Variants in KIRREL1 observed in about 807,000 individuals in gnomAD.
KIRREL1 encodes the protein kirre like nephrin family adhesion molecule 1.
Under a neutral mutation model 83.3 loss-of-function variants are expected in KIRREL1, and 25 were observed. The ratio of observed to expected loss-of-function variants is 0.30; its 90% CI spans 0.22 to 0.42. The LOEUF (loss-of-function observed/expected upper bound fraction) is 0.42, where lower values mean the gene tolerates loss of function less well. KIRREL1 is among the 10% of genes least tolerant of loss of function. KIRREL1 has a pLI of 1.00. For synonymous variants in KIRREL1, 388 were observed against 410.4 expected, an observed-to-expected ratio of 0.95 and a Z score of 0.66; for missense variants, 812 against 1,032.3, an observed-to-expected ratio of 0.79 and a Z score of 2.92.
chr1:158,000,474 T>C (rs773255167), intron 1 of KIRREL1, among the ~76,000 whole-genome samples: 1 of 152,252 alleles, frequency 6.6e-6, no homozygotes, highest in Non-Finnish European at 1.5e-5. Flanking sequence ...TTCCTCATTC[T>C]GTAACACTGG....
intron 1 of KIRREL1, among the ~76,000 whole-genome samples, chr1:158,023,014 A>G (rs777495159): frequency 4.6e-5 from 7 of 152,208 alleles, no homozygotes; most frequent in African/African-American, 1.7e-4. Flanking sequence ...TTGGAGGCCT[A>G]TGTGGCCCCT....
At chr1:158,058,676 G>T (rs544376517) in intron 1 of KIRREL1, among the ~76,000 whole-genome samples, 1 of 152,340 alleles carries the variant, frequency 6.6e-6, no homozygotes, top group Non-Finnish European at 1.5e-5. Context: ...ATAGTTGGAA[G>T]CCAGAGAGGG....
chr1:157,993,798 G>T, intron 1 of KIRREL1, 70 bp downstream of exon 1: 1 of 1,024,870 alleles, frequency 9.8e-7, no homozygotes, highest in East Asian at 3.3e-5. Context: ...TCCCCGGTGG[G>T]AGAGTGCTGG....
intron 1 of KIRREL1, among the ~76,000 whole-genome samples, chr1:158,055,798 G>T (rs1301282103): frequency 6.6e-6 from 1 of 152,204 alleles, no homozygotes; most frequent in Non-Finnish European, 1.5e-5. Flanking sequence ...TTGAAAATCG[G>T]TTCATCTGTT....
At chr1:158,041,322 G>A (rs931085949) in intron 1 of KIRREL1, among the ~76,000 whole-genome samples, 15 of 152,232 alleles carry the variant, frequency 9.9e-5, no homozygotes, top group African/African-American at 3.6e-4. Flanking sequence ...AACTTCGTAA[G>A]GTGGTCCTGG....
At chr1:158,053,495 C>A (rs1660962272) in intron 1 of KIRREL1, among the ~76,000 whole-genome samples, 1 of 152,228 alleles carries the variant, frequency 6.6e-6, no homozygotes, top group Admixed American at 6.5e-5. Context: ...CCACACCAGA[C>A]TCTTCCCCAG....
chr1:158,003,204 C>T (rs887307315), intron 1 of KIRREL1, among the ~76,000 whole-genome samples: 3 of 152,012 alleles, frequency 2.0e-5, no homozygotes, highest in East Asian at 3.9e-4. Context: ...CCATTCGATT[C>T]GCTTAACTGG....
chr1:158,078,861 A>G (rs1482909280), intron 3 of KIRREL1, among the ~76,000 whole-genome samples: 2 of 152,096 alleles, frequency 1.3e-5, no homozygotes, highest in South Asian at 2.1e-4. Flanking sequence ...ATGTCCCTCT[A>G]TGGTAACCCC....
In KIRREL1 at chr1:158,033,434, G is replaced by A. The variant is rs1035336608; in HGVS notation, c.52+39706G>A. Among the ~76,000 whole-genome samples the A allele has an allele frequency of 2.6e-5, 4 of 152,088 alleles. No individual in the cohort carries two copies. The South Asian group carries it at 8.3e-4, about 32-fold the overall frequency. On this transcript the variant is annotated intron_variant, in intron 1 of 14. Coordinates refer to ENST00000359209, the MANE Select transcript of KIRREL1 (RefSeq NM_018240.7). The stretch of plus-strand genomic sequence containing the variant: ...ATGCCTCACCTTTAAAGGAAACATC[G>A]GGGCTTTCCATGAGTGGCCGCCTTC...
chr1:158,059,591 G>A (rs1340909328), intron 1 of KIRREL1, among the ~76,000 whole-genome samples: 4 of 152,272 alleles, frequency 2.6e-5, no homozygotes, highest in South Asian at 4.1e-4. Context: ...AGAGTTAGGC[G>A]AAATGAGATT....
chr1:158,073,502 C>T (rs1236000093), intron 1 of KIRREL1, among the ~76,000 whole-genome samples: 4 of 152,188 alleles, frequency 2.6e-5, no homozygotes, highest in Admixed American at 2.6e-4. Context: ...CAGAAATAGA[C>T]ATTAACATTC....
chr1:157,998,423 G>T (rs1659264167), intron 1 of KIRREL1, among the ~76,000 whole-genome samples: 1 of 152,104 alleles, frequency 6.6e-6, no homozygotes, highest in Admixed American at 6.5e-5. Context: ...ACATTTTTTG[G>T]TGTTAAATTG....
intron 1 of KIRREL1, among the ~76,000 whole-genome samples, chr1:157,997,403 GACAT>G (rs1297855796): frequency 6.6e-6 from 1 of 152,164 alleles, no homozygotes; most frequent in Non-Finnish European, 1.5e-5. Flanking sequence ...TTTGAGGTGA[GACAT>G]AGATAGACAG....
chr1:158,009,147 C>G (rs1448776281), intron 1 of KIRREL1, among the ~76,000 whole-genome samples: 1 of 152,192 alleles, frequency 6.6e-6, no homozygotes, highest in Non-Finnish European at 1.5e-5. Flanking sequence ...GTGTCTGTCC[C>G]TCGTTCCTGT....
intron 1 of KIRREL1, among the ~76,000 whole-genome samples, chr1:157,995,866 G>T (rs369923098): frequency 6.6e-6 from 1 of 151,822 alleles, no homozygotes; most frequent in African/African-American, 2.4e-5. Context: ...TCACTAGTGA[G>T]TGTTGGGGGA....
chr1:158,077,512 G>A (rs989352022), intron 2 of KIRREL1, among the ~76,000 whole-genome samples: 2 of 152,152 alleles, frequency 1.3e-5, no homozygotes, highest in Non-Finnish European at 1.5e-5. Flanking sequence ...CTCCTCTGGG[G>A]AGCCAGCGGT....
chr1:158,047,528 T>C (rs1213426071), intron 1 of KIRREL1, among the ~76,000 whole-genome samples: 1 of 152,216 alleles, frequency 6.6e-6, no homozygotes, highest in Admixed American at 6.5e-5. Flanking sequence ...AGGTCCATTT[T>C]CTGGATGGCT....
At chr1:158,089,365 C>T (rs1325652141) in intron 8 of KIRREL1, 137 bp from the exon 9 acceptor site, 35 of 1,385,878 alleles carry the variant, frequency 2.5e-5, no homozygotes, top group East Asian at 7.0e-5. Flanking sequence ...AAAATGGACT[C>T]GGGAACCCCA....
At chr1:158,033,814 T>C (rs996849539) in intron 1 of KIRREL1, among the ~76,000 whole-genome samples, 2 of 151,312 alleles carry the variant, frequency 1.3e-5, no homozygotes, top group Non-Finnish European at 2.9e-5. Flanking sequence ...ACCCCGTCTG[T>C]ACTAAAAATA....
Sources: gnomAD v4.1 joint callset for allele counts (sites outside exome capture counted in the v4.1 genomes callset) on GRCh38, gnomAD v4.1.1 for gene constraint, MANE v1.5 for transcripts, NCBI Gene and HGNC (gene_info 2026-07-23, HGNC 2026-07-21) for gene names.